Variants in DAP3 observed in about 807,000 individuals in gnomAD.
DAP3 encodes small ribosomal subunit protein mS29.
A neutral mutation model predicts 51.9 loss-of-function variants in DAP3; 28 were observed. That is an observed-to-expected ratio of 0.54 (90% CI 0.40 to 0.74). The LOEUF is 0.74. DAP3 is among the 30% of genes least tolerant of loss of function. DAP3 has a pLI of 0.00. For synonymous variants in DAP3, 170 were observed against 170.3 expected (o/e 1.00, Z 0.01); for missense variants, 458 against 483.5 (o/e 0.95, Z 0.49).
At chr1:155,707,001 G>A (rs1003556237) in intron 1 of DAP3, among the ~76,000 whole-genome samples, 6 of 152,040 alleles carry the variant, frequency 3.9e-5, no homozygotes, top group Non-Finnish European at 8.8e-5. Context: ...GCTGAGAGGA[G>A]AATCGCTTTA....
chr1:155,732,570 G>A (rs1440928709), intron 11 of DAP3, among the ~76,000 whole-genome samples: 1 of 152,066 alleles, frequency 6.6e-6, no homozygotes, highest in African/African-American at 2.4e-5. Flanking sequence ...TCATTCCTAA[G>A]AACAAAGATA....
At chr1:155,688,361 T>G (rs1652963161), upstream of DAP3, 1 of 1,547,236 alleles carries the variant, frequency 6.5e-7, no homozygotes, top group Admixed American at 2.0e-5. Context: ...CGGCAGCTCC[T>G]CCAGAGGGAG....
At chr1:155,705,614 G>GA (rs1321861397) in intron 1 of DAP3, among the ~76,000 whole-genome samples, 19 of 136,674 alleles carry the variant, frequency 1.4e-4, no homozygotes, top group African/African-American at 2.7e-4. Context: ...AAAAAAAAAA[G>GA]AAAGAAAAAA....
At chr1:155,698,308 C>T (rs1311391587) in intron 1 of DAP3, among the ~76,000 whole-genome samples, 2 of 152,114 alleles carry the variant, frequency 1.3e-5, no homozygotes, top group African/African-American at 2.4e-5. Flanking sequence ...AATTTATGTT[C>T]AGAGATTACA....
intron 11 of DAP3, 39 bp from the exon 12 acceptor site, chr1:155,736,907 C>A: frequency 6.6e-7 from 1 of 1,506,284 alleles, no homozygotes; most frequent in Non-Finnish European, 9.2e-7. Context: ...GTGCTTTGTT[C>A]CTTAACTAAC....
Position 155,727,650 on chromosome 1 carries a change from G to A in DAP3, c.515G>A (p.Ser172Asn), listed in dbSNP as rs146215312. 29 of 1,613,430 alleles carry A rather than the reference G, an allele frequency of 1.8e-5. No homozygotes were observed. In the Admixed American group the frequency reaches 3.3e-4, roughly 19 times the overall value. ...VKNCRDLLQS[S>N]YNKQRFDQPL... ...AATTGTCGGGATCTTCTGCAGTCCA[G>A]CTACAACAAACAGCGCTTTGATCAA... Residue 172 changes from serine to asparagine, a missense_variant, in exon 7 of 13, where the codon AGC becomes AAC. Physicochemically the swap from Ser to Asn is conservative, Grantham distance 46. Transcript: ENST00000368336.
intron 1 of DAP3, among the ~76,000 whole-genome samples, chr1:155,693,287 G>C (rs1323123221): frequency 7.0e-6 from 1 of 141,906 alleles, no homozygotes; most frequent in Non-Finnish European, 1.5e-5. Flanking sequence ...ACACAGCTCT[G>C]AATGGGCGCC....
chr1:155,699,417 TC>T (rs1654913207), intron 1 of DAP3, among the ~76,000 whole-genome samples: 1 of 152,154 alleles, frequency 6.6e-6, no homozygotes, highest in South Asian at 2.1e-4. Context: ...ATAATGGTGA[TC>T]AGAAGACTTT....
chr1:155,702,151 T>TAAAAAA (rs71080722), intron 1 of DAP3, among the ~76,000 whole-genome samples: 2 of 101,670 alleles, frequency 2.0e-5, no homozygotes, highest in East Asian at 2.3e-4. Flanking sequence ...ATTCTGCCTA[T>TAAAAAA]AAAAAAAAAA....
At chr1:155,700,247 T>C (rs1264182952) in intron 1 of DAP3, among the ~76,000 whole-genome samples, 1 of 152,238 alleles carries the variant, frequency 6.6e-6, no homozygotes. Flanking sequence ...GAGTTGACTT[T>C]ATTGTTAAGT....
chr1:155,688,288 G>A (rs1367788469), upstream of DAP3: 1 of 1,582,208 alleles, frequency 6.3e-7, no homozygotes, highest in Non-Finnish European at 8.6e-7. Flanking sequence ...CCGACACTGG[G>A]ATCGTTTCCC....
At chr1:155,695,961 TACATTCAA>T (rs1199389192) in intron 1 of DAP3, among the ~76,000 whole-genome samples, 1 of 152,236 alleles carries the variant, frequency 6.6e-6, no homozygotes, top group Non-Finnish European at 1.5e-5. Context: ...TGATTATCAA[TACATTCAA>T]TAAATTCTGC....
chr1:155,728,800 C>CAGCGAG (rs1307755408), intron 7 of DAP3, among the ~76,000 whole-genome samples: 1 of 150,942 alleles, frequency 6.6e-6, no homozygotes, highest in African/African-American at 2.4e-5. Context: ...GTGGATGTTG[C>CAGCGAG]AGCGAGCTGA....
intron 1 of DAP3, among the ~76,000 whole-genome samples, chr1:155,700,315 T>C (rs1184885529): frequency 6.6e-6 from 1 of 152,242 alleles, no homozygotes; most frequent in Non-Finnish European, 1.5e-5. Flanking sequence ...TTTGCAAATA[T>C]TTTCTCCCAT....
rs375722806 is a variant in DAP3, at chr1:155,738,287, T to C, written c.*45T>C. Reference sequence around the variant, plus strand: ...AGGAAGACAGTGGACATCTGCTTTATGCTGGACCCAGTAAGATGAGGAAGT... The same window carrying C: ...AGGAAGACAGTGGACATCTGCTTTACGCTGGACCCAGTAAGATGAGGAAGT... On this transcript the variant is annotated 3_prime_UTR_variant, in exon 13 of 13. Transcript: ENST00000368336. 3 of 1,605,850 alleles carry C rather than the reference T, an allele frequency of 1.9e-6. No homozygotes were observed. In the African/African-American group the frequency reaches 4.0e-5, roughly 21 times the overall value.
chr1:155,709,682 A>C (rs1445577189), intron 1 of DAP3, 91 bp from the exon 2 acceptor site: 8 of 1,033,284 alleles, frequency 7.7e-6, no homozygotes, highest in South Asian at 1.7e-5. Flanking sequence ...ATAGATTATT[A>C]ATCCCTATTA....
At chr1:155,718,535 A>G (rs1657589862) in intron 3 of DAP3, among the ~76,000 whole-genome samples, 1 of 151,990 alleles carries the variant, frequency 6.6e-6, no homozygotes, top group Non-Finnish European at 1.5e-5. Flanking sequence ...ATACAAAAAA[A>G]AATTAGTTGA....
At chr1:155,710,945 T>C (rs1380552285) in intron 2 of DAP3, among the ~76,000 whole-genome samples, 2 of 151,940 alleles carry the variant, frequency 1.3e-5, no homozygotes, top group Admixed American at 6.6e-5. Context: ...ATTAGTCGAG[T>C]CAGCAGGAGA....
intron 4 of DAP3, among the ~76,000 whole-genome samples, chr1:155,724,017 C>CG (rs1658286150): frequency 7.0e-6 from 1 of 143,584 alleles, no homozygotes; most frequent in Non-Finnish European, 1.5e-5. Context: ...CCAGCCTGTG[C>CG]GACAGAGCGA....
Sources: allele counts gnomAD v4.1 joint callset (sites outside exome capture counted in the v4.1 genomes callset), GRCh38; gene constraint gnomAD v4.1.1; transcripts MANE v1.5; gene names NCBI Gene and HGNC (gene_info 2026-07-23, HGNC 2026-07-21).